Variants in TRIP12 observed in about 807,000 individuals in gnomAD.
The protein encoded by TRIP12 is E3 ubiquitin-protein ligase TRIP12.
A neutral mutation model predicts 244.2 loss-of-function variants in TRIP12; 25 were observed. The ratio of observed to expected loss-of-function variants is 0.10; its 90% confidence interval spans 0.07 to 0.14. The LOEUF is 0.14. Among genes scored for constraint, TRIP12 ranks in the 10% least tolerant of loss-of-function variants. The pLI is 1.00. For missense variants in TRIP12, 1,677 were observed against 2,486.4 expected (o/e 0.67, Z 6.92); for synonymous variants, 905 against 873.1 (o/e 1.04, Z -0.64).
In TRIP12 at chr2:229,830,880, T is replaced by TA. The variant is rs771194294; in HGVS notation, c.1271-42dup. 2.6e-4 allele frequency: 419 copies of TA among 1,590,234 alleles called. 1 individual carries two copies. The highest frequency in any genetic ancestry group is 3.5e-4 in the Non-Finnish European group (405 of 1,161,372). ...AAAGATGAGGGTTAGGAGGAGCACTTAAACACATTATGTCTGGCTTACCTT... is the reference window on the plus strand; with the variant it reads ...AAAGATGAGGGTTAGGAGGAGCACTTAAAACACATTATGTCTGGCTTACCTT... On this transcript the variant is annotated intron_variant, in intron 6 of 41. Transcript: ENST00000675903.
At chr2:229,910,097 A>AT (rs2073972646) in intron 1 of TRIP12, among the ~76,000 whole-genome samples, 2 of 152,158 alleles carry the variant, frequency 1.3e-5, no homozygotes, top group Admixed American at 1.3e-4. Context: ...CAATTCCAGA[A>AT]TTTTTTTAGA....
chr2:229,867,113 T>G (rs575584002), intron 2 of TRIP12, among the ~76,000 whole-genome samples: 40 of 151,720 alleles, frequency 2.6e-4, no homozygotes, highest in East Asian at 5.8e-4. Flanking sequence ...TTTTTTGTTT[T>G]TTTTTTTAAG....
chr2:229,814,193 C>T (rs1213318356), intron 12 of TRIP12, 40 bp downstream of exon 12: 1 of 1,601,536 alleles, frequency 6.2e-7, no homozygotes, highest in South Asian at 1.1e-5. Flanking sequence ...AAAAATTCTA[C>T]ATAAAGTGAA....
intron 1 of TRIP12, 72 bp downstream of exon 1, chr2:229,921,808 G>GC (rs1358760837): frequency 5.1e-4 from 24 of 47,276 alleles, no homozygotes; most frequent in African/African-American, 1.7e-3. Flanking sequence ...TCCTCCCCCC[G>GC]CCCCCCCAAC....
chr2:229,829,171 G>C (rs1237280468), intron 8 of TRIP12, 22 bp downstream of exon 8: 1 of 1,607,262 alleles, frequency 6.2e-7, no homozygotes, highest in East Asian at 2.2e-5. Context: ...AGGGATTTCA[G>C]GGAAGGAACA....
At chr2:229,783,436 T>A (rs996084740) in intron 34 of TRIP12, among the ~76,000 whole-genome samples, 1 of 152,218 alleles carries the variant, frequency 6.6e-6, no homozygotes, top group African/African-American at 2.4e-5. Flanking sequence ...TAACAAGTTT[T>A]AAGTTTATGA....
At chr2:229,795,443 C>A in intron 25 of TRIP12, 113 bp from the exon 26 acceptor site, 1 of 1,270,870 alleles carries the variant, frequency 7.9e-7, no homozygotes, top group Non-Finnish European at 1.1e-6. Context: ...GTCTATTCAT[C>A]TTTATCTTTT....
At chr2:229,810,675 CATTTA>C (rs2047045665) in intron 15 of TRIP12, among the ~76,000 whole-genome samples, 200 bp downstream of exon 15, 1 of 152,164 alleles carries the variant, frequency 6.6e-6, no homozygotes, top group South Asian at 2.1e-4. Flanking sequence ...CAAGGGCAAA[CATTTA>C]ATTTATACTT....
Position 229,771,627 on chromosome 2 carries a change from A to G in TRIP12, c.5700T>C (p.Val1900=). The G allele has an allele frequency of 6.2e-7, 1 of 1,612,356 alleles. No homozygotes were observed. The highest frequency in any genetic ancestry group is 8.5e-7 in the Non-Finnish European group (1 of 1,179,000). ...IHNLEEYLRL[V]IFWALNEGVS... is the part of the protein sequence containing the mutation. ...CGCCTTCATTTAGTGCCCAGAATAT[A>G]ACCAGCTGCAAAAAGAAAGTTTTCA... is the stretch of plus-strand genomic sequence containing the variant. The change falls in exon 39 of 42, where the codon GTT becomes GTC. Residue 1900 remains valine (V), a synonymous_variant. Coordinates refer to ENST00000675903, the MANE Select transcript of TRIP12 (RefSeq NM_001348323.3).
At chr2:229,848,317 G>GCCCCCCCCCCCCCCCC (rs564310004) in intron 4 of TRIP12, among the ~76,000 whole-genome samples, 2 of 128,738 alleles carry the variant, frequency 1.6e-5, no homozygotes, top group African/African-American at 3.0e-5. Context: ...CAAAATGCAG[G>GCCCCCCCCCCCCCCCC]CCCCCCCCGC....
intron 13 of TRIP12, among the ~76,000 whole-genome samples, chr2:229,812,757 C>T (rs189086723): frequency 5.3e-5 from 8 of 152,204 alleles, no homozygotes; most frequent in East Asian, 1.9e-4. Context: ...AGTGAGATCA[C>T]GCCACTGCAC....
intron 4 of TRIP12, among the ~76,000 whole-genome samples, chr2:229,857,621 G>C (rs1490275553): frequency 1.3e-5 from 2 of 149,836 alleles, no homozygotes; most frequent in Admixed American, 6.7e-5. Flanking sequence ...CTGGGCAACA[G>C]AGTGAGACTC....
At chr2:229,805,299 C>T (rs1306042822) in intron 18 of TRIP12, among the ~76,000 whole-genome samples, 1 of 151,992 alleles carries the variant, frequency 6.6e-6, no homozygotes, top group Non-Finnish European at 1.5e-5. Context: ...AAGCAATGAA[C>T]TAAATCCCTG....
At chr2:229,853,259 T>C (rs2059033533) in intron 4 of TRIP12, among the ~76,000 whole-genome samples, 1 of 152,126 alleles carries the variant, frequency 6.6e-6, no homozygotes, top group South Asian at 2.1e-4. Context: ...CCTACTCTAT[T>C]TTTAATATAA....
chr2:229,905,879 G>A (rs1383651804), intron 1 of TRIP12, among the ~76,000 whole-genome samples: 1 of 152,158 alleles, frequency 6.6e-6, no homozygotes, highest in Non-Finnish European at 1.5e-5. Context: ...GCCAATGAGG[G>A]CCTTAAGGCT....
In TRIP12 at chr2:229,780,465, G is replaced by A. The variant is rs147857501; in HGVS notation, c.5095-1475C>T. Among the ~76,000 whole-genome samples, 946 of 152,154 alleles carry A rather than the reference G, an allele frequency of 6.2e-3. 7 individuals are homozygous for A. The highest frequency in any genetic ancestry group is 0.044 in the Middle Eastern group (13 of 294). On this transcript the variant is annotated intron_variant, in intron 34 of 41. Transcript: ENST00000675903. ...CGTAATCCTTACAAAACACAAGTTC[G>A]CGGCATCCCTTTGCTACTTTCCAAA...
intron 26 of TRIP12, among the ~76,000 whole-genome samples, chr2:229,794,594 T>A (rs149686707): frequency 1.4e-5 from 2 of 138,564 alleles, no homozygotes; most frequent in South Asian, 2.2e-4. Flanking sequence ...AATAAATAAA[T>A]AAAAACCAAA....
intron 9 of TRIP12, among the ~76,000 whole-genome samples, chr2:229,816,888 A>G (rs2048639189): frequency 6.6e-6 from 1 of 152,234 alleles, no homozygotes; most frequent in African/African-American, 2.4e-5. Context: ...AATGGACATT[A>G]ACACAGGCAA....
chr2:229,841,186 T>C (rs1420384277), intron 4 of TRIP12, among the ~76,000 whole-genome samples: 4 of 152,208 alleles, frequency 2.6e-5, no homozygotes, highest in African/African-American at 9.6e-5. Context: ...CTATCTCTCC[T>C]CTTTCAAAGT....
Sources: allele counts gnomAD v4.1 joint callset (sites outside exome capture counted in the v4.1 genomes callset), GRCh38; gene constraint gnomAD v4.1.1; transcripts MANE v1.5; gene names NCBI Gene and HGNC (gene_info 2026-07-23, HGNC 2026-07-21).